UGGT2: variants seen among roughly 807,000 people sequenced by gnomAD.
UGGT2 encodes UDP-glucose glycoprotein glucosyltransferase 2.
UGGT2 carries 180 observed loss-of-function variants against 192.1 expected under a neutral mutation model. The observed-to-expected ratio is 0.94, with a 90% CI of 0.83 to 1.06. The LOEUF is 1.06. Among genes scored for constraint, UGGT2 ranks in the 50% least tolerant of loss-of-function variants. The pLI, the probability that UGGT2 is intolerant of heterozygous loss-of-function variation, is 0.00. For synonymous variants in UGGT2, 580 were observed against 591.0 expected (o/e 0.98, Z 0.27); for missense variants, 1,849 against 1,795.7 (o/e 1.03, Z -0.54).
chr13:95,832,148 T>C (rs1201183322), intron 38 of UGGT2, among the ~76,000 whole-genome samples: 2 of 151,230 alleles, frequency 1.3e-5, no homozygotes, highest in East Asian at 3.9e-4. Flanking sequence ...CTGAGGAAAA[T>C]GAGAACTGTA....
intron 38 of UGGT2, among the ~76,000 whole-genome samples, chr13:95,802,433 A>G (rs1884102369): frequency 6.6e-6 from 1 of 152,238 alleles, no homozygotes; most frequent in African/African-American, 2.4e-5. Flanking sequence ...TCCACAATTC[A>G]AGATGGCAGA....
intron 12 of UGGT2, among the ~76,000 whole-genome samples, chr13:95,950,625 A>G (rs1273197420): frequency 1.3e-4 from 19 of 151,526 alleles, no homozygotes; most frequent in Admixed American, 1.2e-3. Flanking sequence ...AAAAACCCCA[A>G]AGATTACTTA....
intron 32 of UGGT2, among the ~76,000 whole-genome samples, chr13:95,860,349 T>C (rs1023531979): frequency 2.7e-5 from 4 of 148,748 alleles, no homozygotes; most frequent in African/African-American, 9.8e-5. Flanking sequence ...TGTAAATATA[T>C]ATATTGTGAG....
At chr13:96,000,854 T>G (rs1461973285) in intron 5 of UGGT2, among the ~76,000 whole-genome samples, 1 of 135,156 alleles carries the variant, frequency 7.4e-6, no homozygotes, top group African/African-American at 2.7e-5. Context: ...AACTACCAAA[T>G]CAACAGGTTA....
intron 12 of UGGT2, among the ~76,000 whole-genome samples, chr13:95,957,748 T>C (rs2050254195): frequency 6.6e-6 from 1 of 152,242 alleles, no homozygotes. Flanking sequence ...GTCTGTTTAC[T>C]ATGTCTAGAA....
At chr13:95,918,179 ACAGTCTTTCAGAC>A (rs1381881089) in intron 20 of UGGT2, among the ~76,000 whole-genome samples, 2 of 152,056 alleles carry the variant, frequency 1.3e-5, no homozygotes, top group Admixed American at 6.6e-5. Flanking sequence ...TGAAATCGTA[ACAGTCTTTCAGAC>A]CACAACACAA....
chr13:95,969,669 A>C (rs1250225936), intron 12 of UGGT2, among the ~76,000 whole-genome samples: 1 of 152,236 alleles, frequency 6.6e-6, no homozygotes, highest in Non-Finnish European at 1.5e-5. Context: ...CTGCTTAAGC[A>C]AGAAAGGGTG....
At chr13:95,841,408 G>A (rs1401451508) in intron 36 of UGGT2, among the ~76,000 whole-genome samples, 1 of 152,068 alleles carries the variant, frequency 6.6e-6, no homozygotes, top group Non-Finnish European at 1.5e-5. Context: ...CCTCTATTGG[G>A]GATGGTCATC....
At chr13:95,939,222 T>A (rs944844860) in intron 16 of UGGT2, among the ~76,000 whole-genome samples, 2 of 152,202 alleles carry the variant, frequency 1.3e-5, no homozygotes, top group African/African-American at 2.4e-5. Context: ...GAACACAATA[T>A]TTTTCTGACT....
chr13:95,918,873 A>T (rs2048759415), intron 20 of UGGT2, among the ~76,000 whole-genome samples: 1 of 152,200 alleles, frequency 6.6e-6, no homozygotes, highest in South Asian at 2.1e-4. Context: ...TCATTCTATG[A>T]GGCCAGCATC....
chr13:95,955,581 C>G (rs2050189514), intron 12 of UGGT2, among the ~76,000 whole-genome samples: 1 of 152,086 alleles, frequency 6.6e-6, no homozygotes. Flanking sequence ...GGATGTAACC[C>G]TTCCTCTTAT....
chr13:95,946,436 T>C (rs1052058296), intron 15 of UGGT2, among the ~76,000 whole-genome samples: 1 of 152,262 alleles, frequency 6.6e-6, no homozygotes, highest in African/African-American at 2.4e-5. Flanking sequence ...TGGCTCGATC[T>C]TGGCTCATTG....
intron 1 of UGGT2, among the ~76,000 whole-genome samples, chr13:96,052,878 G>A (rs1000136876): frequency 6.6e-6 from 1 of 152,204 alleles, no homozygotes; most frequent in African/African-American, 2.4e-5. Context: ...ACGCGTAAAT[G>A]CTAATACATC....
At chr13:95,837,239 A>G in intron 36 of UGGT2, 37 bp from the exon 37 acceptor site, 1 of 1,435,268 alleles carries the variant, frequency 7.0e-7, no homozygotes, top group Non-Finnish European at 9.8e-7. Flanking sequence ...GACGTATGAA[A>G]TTTAGAGTCA....
intron 36 of UGGT2, among the ~76,000 whole-genome samples, chr13:95,842,958 C>A (rs1890597507): frequency 6.6e-6 from 1 of 152,208 alleles, no homozygotes; most frequent in Admixed American, 6.5e-5. Flanking sequence ...AACTGATCCA[C>A]ACAAACTGTT....
In UGGT2 at chr13:95,983,884, T is replaced by C. The variant is rs768062929; in HGVS notation, c.1032-20A>G. The C allele has an allele frequency of 4.7e-6, 7 of 1,477,830 alleles. No homozygotes were observed. Among genetic ancestry groups the C allele is most frequent in the South Asian group, 1.3e-5 (1 of 79,462 alleles). 91.5% of individuals were successfully genotyped at this position (1,477,830 alleles called of 1,614,324 possible). A position where few individuals can be genotyped will look rare whatever the true frequency, so the allele number is the denominator to read the frequency against. The stretch of plus-strand genomic sequence containing the variant: ...AGAGATCTGGAAAAATGAATACTAA[T>C]ATAATTGATCCTTCCTTAAATGTTT... On this transcript the variant is annotated intron_variant, in intron 9 of 38. Transcript: ENST00000376747.
At chr13:96,013,144 A>G (rs2052217798) in intron 5 of UGGT2, among the ~76,000 whole-genome samples, 163 bp downstream of exon 5, 1 of 152,132 alleles carries the variant, frequency 6.6e-6, no homozygotes, top group Non-Finnish European at 1.5e-5. Flanking sequence ...CAGAAGAGAC[A>G]GAATCCCAAT....
intron 1 of UGGT2, among the ~76,000 whole-genome samples, chr13:96,039,561 T>C (rs1283399092): frequency 6.6e-6 from 1 of 152,218 alleles, no homozygotes; most frequent in Admixed American, 6.5e-5. Context: ...AGTTTCCTAG[T>C]TGTAACACTC....
intron 14 of UGGT2, 80 bp from the exon 15 acceptor site, chr13:95,947,252 CT>C (rs2049903154): frequency 7.7e-7 from 1 of 1,294,348 alleles, no homozygotes; most frequent in Non-Finnish European, 1.0e-6. Flanking sequence ...CGTTATTAGA[CT>C]ACAATATCTA....
Sources: gnomAD v4.1 joint callset for allele counts (sites outside exome capture counted in the v4.1 genomes callset) on GRCh38, gnomAD v4.1.1 for gene constraint, MANE v1.5 for transcripts, NCBI Gene and HGNC (gene_info 2026-07-23, HGNC 2026-07-21) for gene names.